Variants in CHMP6 observed in about 807,000 individuals in gnomAD.
CHMP6 encodes the protein charged multivesicular body protein 6.
CHMP6 carries 10 observed loss-of-function variants against 32.8 expected under a neutral mutation model. That is an observed-to-expected ratio of 0.30 (90% CI 0.19 to 0.52). The LOEUF (loss-of-function observed/expected upper bound fraction) is 0.52, where lower values mean the gene tolerates loss of function less well. CHMP6 is among the 20% of genes least tolerant of loss of function. The probability of loss-of-function intolerance (pLI) is 0.97; values close to 1 mark genes in which losing one functional copy is unlikely to be tolerated. For missense variants in CHMP6, 269 were observed against 263.8 expected (o/e 1.02, Z -0.14); for synonymous variants, 123 against 105.8 (o/e 1.16, Z -1.00).
intron 5 of CHMP6, 82 bp downstream of exon 5, chr17:80,997,154 A>C: frequency 6.2e-7 from 1 of 1,601,550 alleles, no homozygotes; most frequent in Non-Finnish European, 8.5e-7. Context: ...CCCACATCCT[A>C]GAGCGGCCGC....
intron 2 of CHMP6, 30 bp from the exon 3 acceptor site, chr17:80,994,989 A>C: frequency 6.4e-7 from 1 of 1,568,152 alleles, no homozygotes; most frequent in Non-Finnish European, 8.6e-7. Context: ...GCAGGGCCAC[A>C]GCGGGTCACT....
In CHMP6 at chr17:80,995,071, A is replaced by G; in HGVS notation, c.226A>G (p.Arg76Gly). 1.2e-6 allele frequency: 2 copies of G among 1,603,110 alleles called. No individual in the cohort carries two copies. The highest frequency in any genetic ancestry group is 2.3e-5 in the East Asian group (1 of 44,384). ...KKRYQEQLLD[R>G]TENQISSLEA... The stretch of plus-strand genomic sequence containing the variant: ...GCGATACCAGGAGCAGCTCCTGGAC[A>G]GGACGGAGAACCAGATCAGCAGCCT... The change falls in exon 3 of 8, where the codon AGG (arginine) becomes GGG (glycine). Residue 76 changes from arginine (R) to glycine (G), a missense_variant. By Grantham distance (125) the Arg-to-Gly change is moderately radical. Transcript: ENST00000325167.
At chr17:80,992,920 G>A (rs1172198846) in intron 1 of CHMP6, among the ~76,000 whole-genome samples, 1 of 152,194 alleles carries the variant, frequency 6.6e-6, no homozygotes. Flanking sequence ...AATGAAAGAG[G>A]GAATCTTACG....
At chr17:80,997,489 G>A (rs949789707) in intron 6 of CHMP6, 148 bp downstream of exon 6, 1 of 513,046 alleles carries the variant, frequency 1.9e-6, no homozygotes, top group South Asian at 2.2e-5. Context: ...TCCTACCTGA[G>A]GTGACTCTGT....
At chr17:80,994,551 G>T in intron 1 of CHMP6, 30 bp from the exon 2 acceptor site, 1 of 1,524,940 alleles carries the variant, frequency 6.6e-7, no homozygotes, top group Non-Finnish European at 8.8e-7. Flanking sequence ...GTGTGGGCTC[G>T]GTGACGCCAG....
In CHMP6 at chr17:80,991,972, G is replaced by A. The variant is rs1265237769; in HGVS notation, c.54G>A (p.Lys18=). 5.5e-6 allele frequency: 8 copies of A among 1,444,108 alleles called. No homozygotes were observed. Among genetic ancestry groups the A allele is most frequent in the African/African-American group, 1.5e-5 (1 of 67,564 alleles). 89.5% of individuals were successfully genotyped at this position (1,444,108 alleles called of 1,614,324 possible). Residue 18 remains lysine (K), a synonymous_variant, in exon 1 of 8, where the codon AAG becomes AAA. Coordinates refer to ENST00000325167, the MANE Select transcript of CHMP6 (RefSeq NM_024591.5). ...KKQSRVTEQD[K]AILQLKQQRD... ...AGAGCCGCGTCACGGAGCAGGACAA[G>A]GCCATCCTGGTGAGGGCCCGGGCCC...
At chr17:80,998,964 C>T in intron 7 of CHMP6, 134 bp from the exon 8 acceptor site, 1 of 996,952 alleles carries the variant, frequency 1.0e-6, no homozygotes, top group Non-Finnish European at 1.5e-6. Context: ...TTGCCTCCCC[C>T]AGAGCTGGGC....
rs1211203377 is a variant in CHMP6, at chr17:80,997,009, G to A, written c.351G>A (p.Val117=). ...ACACCCATCACCCTCGTCCACAGGT[G>A]ATGTCCATTGAAGAGGTGGAGAGGA... ...GNECLNKMHQ[V]MSIEEVERIL... is the part of the protein sequence containing the mutation. Residue 117 remains valine (V), a splice_region_variant and synonymous_variant, in exon 5 of 8, where the codon GTG becomes GTA. Transcript: ENST00000325167. 3 of 1,613,582 alleles carry A rather than the reference G, an allele frequency of 1.9e-6. No homozygotes were observed. Among genetic ancestry groups the A allele is most frequent in the Non-Finnish European group, 2.5e-6 (3 of 1,179,772 alleles).
chr17:80,994,645 G>C lies in CHMP6; in HGVS notation c.128G>C (p.Arg43Pro), dbSNP rs757260155. 2.5e-6 allele frequency: 4 copies of C among 1,585,266 alleles called. No homozygotes were observed. The highest frequency in any genetic ancestry group is 1.2e-5 in the South Asian group (1 of 86,584). ...YQKRIAQQLERERALARQLLR... is the reference protein window; with the variant it reads ...YQKRIAQQLEPERALARQLLR... ...AAGAGGATCGCCCAGCAGCTGGAGCGCGAGCGCGCCCTGGCCCGGCAGCTG... is the reference window on the plus strand; with the variant it reads ...AAGAGGATCGCCCAGCAGCTGGAGCCCGAGCGCGCCCTGGCCCGGCAGCTG... The change falls in exon 2 of 8, where the codon CGC becomes CCC. Residue 43 changes from arginine (R) to proline (P), a missense_variant. By Grantham distance (103) the Arg-to-Pro change is moderately radical. Coordinates refer to ENST00000325167, the MANE Select transcript of CHMP6 (RefSeq NM_024591.5).
rs575086517 is a variant in CHMP6 at position 80,998,603 on chromosome 17, C to T, written c.550+183C>T. On this transcript the variant is annotated intron_variant, in intron 7 of 7. Coordinates refer to ENST00000325167, the MANE Select transcript of CHMP6 (RefSeq NM_024591.5). ...GTTGGGCTTGGGTTTCCCAGGGGTT[C>T]GGTAACTGGGCAACCTCATAAGAGA... 65 of 1,456,074 alleles carry T rather than the reference C, an allele frequency of 4.5e-5. No homozygotes were observed. In the South Asian group the frequency reaches 5.1e-4, roughly 11 times the overall value. 90.2% of individuals were successfully genotyped at this position (1,456,074 alleles called of 1,614,324 possible).
intron 7 of CHMP6, 51 bp from the exon 8 acceptor site, chr17:80,999,047 C>G: frequency 1.2e-6 from 2 of 1,608,696 alleles, no homozygotes; most frequent in South Asian, 2.2e-5. Flanking sequence ...CTCTGGAGGT[C>G]TCTGCCTGTG....
chr17:80,997,258 C>T lies in CHMP6; in HGVS notation c.415-3C>T. On this transcript the variant is annotated splice_region_variant and splice_polypyrimidine_tract_variant and intron_variant, in intron 5 of 7. Transcript: ENST00000325167. ...GCTCTCACCACCGCCTGTCCTTTTG[C>T]AGCAAATAGACGAGCTCCTGGCAGG... 1.3e-6 allele frequency: 2 copies of T among 1,577,788 alleles called. No individual in the cohort carries two copies. Among genetic ancestry groups the T allele is most frequent in the African/African-American group, 2.8e-5 (2 of 72,694 alleles).
intron 7 of CHMP6, 177 bp downstream of exon 7, chr17:80,998,597 G>T: frequency 1.4e-6 from 2 of 1,463,000 alleles, no homozygotes; most frequent in East Asian, 2.5e-5. Context: ...GGGTTTCCCA[G>T]GGGTTCGGTA....
Position 80,994,565 on chromosome 17 carries a change from C to T in CHMP6, c.64-16C>T, listed in dbSNP as rs1320178547. ...AGTGTGGGCTCGGTGACGCCAGGCC[C>T]TCTCTCTCTTGGCAGCAACTGAAGC... On this transcript the variant is annotated splice_polypyrimidine_tract_variant and intron_variant, in intron 1 of 7. Transcript: ENST00000325167. 2.6e-6 allele frequency: 4 copies of T among 1,548,340 alleles called. No homozygotes were observed. The highest frequency in any genetic ancestry group is 3.5e-6 in the Non-Finnish European group (4 of 1,146,242).
At chr17:80,992,441 GCCCCGGCGGTGCTGC>G (rs1332583953) in intron 1 of CHMP6, among the ~76,000 whole-genome samples, 1 of 152,216 alleles carries the variant, frequency 6.6e-6, no homozygotes, top group Middle Eastern at 3.2e-3. Flanking sequence ...CTGGGCCGGA[GCCCCGGCGGTGCTGC>G]CGGCTTCGCG....
At chr17:80,996,335 G>A (rs540072892) in intron 4 of CHMP6, among the ~76,000 whole-genome samples, 33 of 147,434 alleles carry the variant, frequency 2.2e-4, no homozygotes, top group South Asian at 8.5e-4. Flanking sequence ...AAAAAAAAAA[G>A]AAGGCTTCCT....
At position 80,999,572 on chromosome 17, in the gene CHMP6, G is replaced by C. The variant is rs113769458; in HGVS notation, c.*419G>C. On this transcript the variant is annotated 3_prime_UTR_variant, in exon 8 of 8. Transcript: ENST00000325167. ...TCGCTGCTCCCATTAGCTGGTGCAG[G>C]CTTCCGTTAAGGGGTCCCTCCCTTG... The C allele has an allele frequency of 1.7e-5, 3 of 171,746 alleles. No individual in the cohort carries two copies. Among genetic ancestry groups the C allele is most frequent in the African/African-American group, 7.1e-5 (3 of 41,974 alleles). 10.6% of individuals were successfully genotyped at this position (171,746 alleles called of 1,614,324 possible).
At chr17:80,992,183 C>T (rs1041104383) in intron 1 of CHMP6, among the ~76,000 whole-genome samples, 4 of 151,456 alleles carry the variant, frequency 2.6e-5, no homozygotes, top group South Asian at 2.1e-4. Flanking sequence ...GTCTCCTGCG[C>T]GGCGCCGTGG....
intron 4 of CHMP6, among the ~76,000 whole-genome samples, chr17:80,996,126 C>T (rs1023543835): frequency 3.6e-4 from 55 of 152,008 alleles, no homozygotes; most frequent in African/African-American, 1.2e-3. Context: ...TCGAGACCAG[C>T]CTGGCCAACA....
Sources: gnomAD v4.1 joint callset for allele counts (sites outside exome capture counted in the v4.1 genomes callset) on GRCh38, gnomAD v4.1.1 for gene constraint, MANE v1.5 for transcripts, NCBI Gene and HGNC (gene_info 2026-07-23, HGNC 2026-07-21) for gene names.